The following HLA-DPB1 variants were observed in gnomAD, a reference collection of about 807,000 sequenced individuals.
HLA-DPB1 encodes the protein HLA class II histocompatibility antigen, DP beta 1 chain.
Under a neutral mutation model 29.4 loss-of-function variants are expected in HLA-DPB1, and 30 were observed. The observed-to-expected ratio is 1.02, with a 90% confidence interval of 0.76 to 1.38. HLA-DPB1 has a LOEUF of 1.38. Among genes scored for constraint, HLA-DPB1 ranks in the 40% most tolerant of loss-of-function variants. HLA-DPB1 has a pLI of 0.00. For missense variants in HLA-DPB1, 261 were observed against 327.5 expected (o/e 0.80, Z 1.57); for synonymous variants, 114 against 134.0 (o/e 0.85, Z 1.03).
rs953031723 is a variant in HLA-DPB1, at chr6:33,088,114, C to T, written c.*1580C>T. ...GGCTTCACAGGAAACTTGTGAGAAA[C>T]CTATGCAGCATAAAATTAATATGAT... On this transcript the variant is annotated 3_prime_UTR_variant, in exon 6 of 6. Transcript: ENST00000418931. Among the ~76,000 whole-genome samples, 5 of 152,020 alleles carry T rather than the reference C, an allele frequency of 3.3e-5. No individual in the cohort carries two copies. Among genetic ancestry groups the T allele is most frequent in the Non-Finnish European group, 7.4e-5 (5 of 68,008 alleles).
chr6:33,082,891 C>T (rs1488741571), intron 2 of HLA-DPB1, among the ~76,000 whole-genome samples: 3 of 152,150 alleles, frequency 2.0e-5, no homozygotes, highest in African/African-American at 4.8e-5. Flanking sequence ...TTAACTCCAG[C>T]GCACCCTGGA....
Position 33,089,462 on chromosome 6 carries a change from G to T in HLA-DPB1, c.*2928G>T, listed in dbSNP as rs1763256192. ...ATCATCGTACTCAGGAAGTCAGGCT[G>T]ACAGTCTTTCTCCTGCACATCTGCT... On this transcript the variant is annotated 3_prime_UTR_variant, in exon 6 of 6. Transcript: ENST00000418931. 6.6e-6 allele frequency among the ~76,000 whole-genome samples: 1 copy of T among 152,192 alleles called. No homozygotes were observed. The highest frequency in any genetic ancestry group is 2.4e-5 in the African/African-American group (1 of 41,448).
Position 33,080,502 on chromosome 6 carries a change from G to T in HLA-DPB1, c.101-170G>T. On this transcript the variant is annotated intron_variant, in intron 1 of 5. Coordinates refer to ENST00000418931, the MANE Select transcript of HLA-DPB1 (RefSeq NM_002121.6). The surrounding 1 kb of genome is among the most constrained non-coding windows in gnomAD (Gnocchi z 4.3). ...CGTGGTGAGAAAACAGGCCTGGAGAGGCTCTGCGACCCGCTTAGGACCACA... is the reference window on the plus strand; with the variant it reads ...CGTGGTGAGAAAACAGGCCTGGAGATGCTCTGCGACCCGCTTAGGACCACA... 2 of 905,966 alleles carry T rather than the reference G, an allele frequency of 2.2e-6. No homozygotes were observed. Among genetic ancestry groups the T allele is most frequent in the African/African-American group, 1.7e-5 (1 of 60,206 alleles). The allele number at this position is 905,966 out of a possible 1,614,324, so 56.1% of individuals were successfully genotyped here.
At position 33,088,721 on chromosome 6, in the gene HLA-DPB1, G is replaced by A. The variant is rs986768692; in HGVS notation, c.*2187G>A. 6.6e-6 allele frequency among the ~76,000 whole-genome samples: 1 copy of A among 152,182 alleles called. No homozygotes were observed. The highest frequency in any genetic ancestry group is 1.5e-5 in the Non-Finnish European group (1 of 68,034). On this transcript the variant is annotated 3_prime_UTR_variant, in exon 6 of 6. Transcript: ENST00000418931. ...GCTATGTGCAGCAGGATCAAAGGCAGCCAGGAGGTAGAGGAGTCTTGAGGT... is the reference window on the plus strand; with the variant it reads ...GCTATGTGCAGCAGGATCAAAGGCAACCAGGAGGTAGAGGAGTCTTGAGGT...
chr6:33,089,289 GCTTCTCTGAAGTCTCATTGAGCAC>G lies in HLA-DPB1; in HGVS notation c.*2763_*2786del, dbSNP rs1294006221. Among the ~76,000 whole-genome samples the G allele has an allele frequency of 6.6e-6, 1 of 152,140 alleles. No homozygotes were observed. The highest frequency in any genetic ancestry group is 1.5e-5 in the Non-Finnish European group (1 of 68,038). ...ATCCTCCTAGTTCTTTTGTCTCTCA[GCTTCTCTGAAGTCTCATTGAGCAC>G]CTTCTCTTCAATTTCTTTTACACAG... On this transcript the variant is annotated 3_prime_UTR_variant, in exon 6 of 6. Transcript: ENST00000418931.
intron 1 of HLA-DPB1, 90 bp downstream of exon 1, chr6:33,076,231 G>GAGCCCCCGCAGCCTGTCT: frequency 1.2e-6 from 1 of 849,342 alleles, no homozygotes; most frequent in Non-Finnish European, 1.9e-6. Context: ...TCTGAGACAG[G>GAGCCCCCGCAGCCTGTCT]CTGCGGGGGC....
At position 33,087,098 on chromosome 6, in the gene HLA-DPB1, C is replaced by G. The variant is rs142130667; in HGVS notation, c.*564C>G. ...TGATAGGACCCATATTCCCACAGCA[C>G]TAATTCAACATATACCTTACTGAGA... On this transcript the variant is annotated 3_prime_UTR_variant, in exon 6 of 6. Transcript: ENST00000418931. The G allele has an allele frequency of 4.9e-3, 787 of 160,220 alleles. 3 individuals are homozygous for G. Among genetic ancestry groups the G allele is most frequent in the East Asian group, 0.011 (58 of 5,388 alleles). The allele number at this position is 160,220 out of a possible 1,614,324, so 9.9% of individuals were successfully genotyped here. A position where few individuals can be genotyped will look rare whatever the true frequency, so the allele number is the denominator to read the frequency against.
intron 1 of HLA-DPB1, among the ~76,000 whole-genome samples, chr6:33,076,482 T>A (rs1195700668): frequency 3.9e-5 from 6 of 152,164 alleles, no homozygotes; most frequent in Non-Finnish European, 7.3e-5. Flanking sequence ...CGTGTTCATG[T>A]CTGCATCCAG....
Position 33,087,432 on chromosome 6 carries a change from A to G in HLA-DPB1, c.*898A>G, listed in dbSNP as rs964266931. Among the ~76,000 whole-genome samples, 1 of 151,064 alleles carries G rather than the reference A, an allele frequency of 6.6e-6. No homozygotes were observed. The highest frequency in any genetic ancestry group is 2.5e-5 in the African/African-American group (1 of 40,616). On this transcript the variant is annotated 3_prime_UTR_variant, in exon 6 of 6. Transcript: ENST00000418931. Reference sequence around the variant, plus strand: ...TCTTTTTTTTTTTCTTAACAATCCAACATTGTTATGTGTTTTGCGTCTCAT... The same window carrying G: ...TCTTTTTTTTTTTCTTAACAATCCAGCATTGTTATGTGTTTTGCGTCTCAT...
chr6:33,087,783 A>G lies in HLA-DPB1; in HGVS notation c.*1249A>G, dbSNP rs1763182176. On this transcript the variant is annotated 3_prime_UTR_variant, in exon 6 of 6. Transcript: ENST00000418931. ...AGGCACAGACTTGGGCGTCACTGGCACAGATATAAGTAAATACAGCTGGAG... is the reference window on the plus strand; with the variant it reads ...AGGCACAGACTTGGGCGTCACTGGCGCAGATATAAGTAAATACAGCTGGAG... 6.6e-6 allele frequency among the ~76,000 whole-genome samples: 1 copy of G among 152,212 alleles called. No homozygotes were observed. The highest frequency in any genetic ancestry group is 1.5e-5 in the Non-Finnish European group (1 of 68,040).
At position 33,076,134 on chromosome 6, in the gene HLA-DPB1, C is replaced by A. The variant is rs2150366648; in HGVS notation, c.93C>A (p.Ala31=). Residue 31 remains alanine, a synonymous_variant, in exon 1 of 6, where the codon GCC becomes GCA. Transcript: ENST00000418931. ...VLLTSVVQGR[A]TPENYLFQGR... ...TCACATCTGTGGTCCAGGGCAGGGC[C>A]ACTCCAGGTAAGAGCCGAACTGCCA... The A allele has an allele frequency of 6.2e-7, 1 of 1,606,800 alleles. No individual in the cohort carries two copies. The highest frequency in any genetic ancestry group is 1.3e-5 in the African/African-American group (1 of 74,920).
chr6:33,078,868 C>A (rs375832885), intron 1 of HLA-DPB1, among the ~76,000 whole-genome samples: 3 of 152,260 alleles, frequency 2.0e-5, no homozygotes, highest in South Asian at 2.1e-4. Flanking sequence ...GGAGAATCCA[C>A]ACTCAGAGTG....
rs1762771648 is a variant in HLA-DPB1, at chr6:33,080,403, C to T, written c.101-269C>T. The T allele has an allele frequency of 6.0e-6, 4 of 661,370 alleles. No homozygotes were observed. Among genetic ancestry groups the T allele is most frequent in the Admixed American group, 4.2e-5 (2 of 48,048 alleles). The allele number at this position is 661,370 out of a possible 1,614,324, so 41.0% of individuals were successfully genotyped here. On this transcript the variant is annotated intron_variant, in intron 1 of 5. Transcript: ENST00000418931. The surrounding 1 kb of genome is among the most constrained non-coding windows in gnomAD (Gnocchi z 4.3). ...GCCACCAGCAGAAGGGACTGCCTTC[C>T]CCTCAGTGCTCGCCCCTCCCTAGTG...
intron 2 of HLA-DPB1, chr6:33,083,585 C>T (rs1762967294): frequency 6.5e-6 from 1 of 153,008 alleles, no homozygotes; most frequent in Non-Finnish European, 1.5e-5. Context: ...CCTCCTGCCT[C>T]AGCCTCCCAT....
rs112835936 is a variant in HLA-DPB1, at chr6:33,085,890, G to T, written c.757+1G>T. On this transcript the variant is annotated splice_donor_variant, in intron 4 of 5. Transcript: ENST00000418931. LOFTEE classifies it high-confidence loss of function. Reference sequence around the variant, plus strand: ...TTCATGCACAGGAGGAGCAAGAAAGGTGAGAAAGCCTGCAGGGTGAGCGGG... The same window carrying T: ...TTCATGCACAGGAGGAGCAAGAAAGTTGAGAAAGCCTGCAGGGTGAGCGGG... 4.4e-5 allele frequency: 71 copies of T among 1,601,750 alleles called. No individual in the cohort carries two copies. The highest frequency in any genetic ancestry group is 1.7e-4 in the Middle Eastern group (1 of 6,038).
At chr6:33,081,725 C>A (rs1562151472) in intron 2 of HLA-DPB1, among the ~76,000 whole-genome samples, 1 of 152,110 alleles carries the variant, frequency 6.6e-6, no homozygotes, top group Non-Finnish European at 1.5e-5. Flanking sequence ...GGCGCATCCT[C>A]CTCGGGGCTG....
chr6:33,080,628 A>C lies in HLA-DPB1; in HGVS notation c.101-44A>C. 6.2e-7 allele frequency: 1 copy of C among 1,610,166 alleles called. No individual in the cohort carries two copies. Among genetic ancestry groups the C allele is most frequent in the Non-Finnish European group, 8.5e-7 (1 of 1,177,480 alleles). ...GAGAGAGAGAGGGAGAAAGAGGATTAGATGAGAGTGGCGCCTCCGCTCATG... is the reference window on the plus strand; with the variant it reads ...GAGAGAGAGAGGGAGAAAGAGGATTCGATGAGAGTGGCGCCTCCGCTCATG... On this transcript the variant is annotated intron_variant, in intron 1 of 5. Transcript: ENST00000418931. The surrounding 1 kb of genome is among the most constrained non-coding windows in gnomAD (Gnocchi z 4.3).
At position 33,084,985 on chromosome 6, in the gene HLA-DPB1, G is replaced by T; in HGVS notation, c.400G>T (p.Gly134Trp). 1 of 1,604,298 alleles carries T rather than the reference G, an allele frequency of 6.2e-7. No individual in the cohort carries two copies. The highest frequency in any genetic ancestry group is 8.5e-7 in the Non-Finnish European group (1 of 1,172,462). Residue 134 changes from glycine (G) to tryptophan (W), a missense_variant, in exon 3 of 6, where the codon GGG (glycine) becomes TGG (tryptophan). By Grantham distance (184) the Gly-to-Trp change is radical. Coordinates refer to ENST00000418931, the MANE Select transcript of HLA-DPB1 (RefSeq NM_002121.6). Reference sequence around the variant, plus strand: ...GGTGAATGTTTCCCCCTCCAAGAAGGGGCCCTTGCAGCACCACAACCTGCT... The same window carrying T: ...GGTGAATGTTTCCCCCTCCAAGAAGTGGCCCTTGCAGCACCACAACCTGCT... Reference protein sequence around the residue: ...PRVNVSPSKKGPLQHHNLLVC... With the variant: ...PRVNVSPSKKWPLQHHNLLVC...
At chr6:33,081,034 G>A (rs17221171) in intron 2 of HLA-DPB1, 99 bp downstream of exon 2, 14,038 of 1,326,286 alleles carry the variant, frequency 0.011, 211 homozygotes, top group African/African-American at 0.064. Context: ...CTTAGTGCCG[G>A]GCGGAAAGGG....
Sources: allele counts gnomAD v4.1 joint callset (sites outside exome capture counted in the v4.1 genomes callset), GRCh38; gene constraint gnomAD v4.1.1; non-coding constraint Gnocchi (gnomAD v3.1); transcripts MANE v1.5; gene names NCBI Gene and HGNC (gene_info 2026-07-23, HGNC 2026-07-21).